PBX4: variants seen among roughly 807,000 people sequenced by gnomAD.
PBX4 encodes the protein PBX homeobox 4, also known as pre-B-cell leukemia transcription factor 4.
A neutral mutation model predicts 35.1 loss-of-function variants in PBX4; 26 were observed. The observed-to-expected ratio is 0.74, with a 90% CI of 0.54 to 1.03. The LOEUF is 1.03. PBX4 is among the 50% of genes least tolerant of loss of function. PBX4 has a pLI of 0.00. For missense variants in PBX4, 448 were observed against 504.3 expected, an observed-to-expected ratio of 0.89 and a Z score of 1.07; for synonymous variants, 199 against 204.2, an observed-to-expected ratio of 0.97 and a Z score of 0.22.
Position 19,570,287 on chromosome 19 carries a change from A to T in PBX4, c.454T>A (p.Phe152Ile). Reference protein sequence around the residue: ...LEKYEQACREFTTHVTNLLQE... With the variant: ...LEKYEQACREITTHVTNLLQE... ...AGGAGGTTGGTGACGTGCGTGGTGA[A>T]CTCACGACAGGCCTGGGGTGGGAGC... The change falls in exon 4 of 8, where the codon TTC becomes ATC. Residue 152 changes from phenylalanine to isoleucine, a missense_variant. Transcript: ENST00000251203. The T allele has an allele frequency of 6.2e-7, 1 of 1,606,802 alleles. No homozygotes were observed. Among genetic ancestry groups the T allele is most frequent in the Non-Finnish European group, 8.5e-7 (1 of 1,175,276 alleles).
At chr19:19,597,754 T>C (rs1457916382) in intron 2 of PBX4, among the ~76,000 whole-genome samples, 2 of 152,202 alleles carry the variant, frequency 1.3e-5, no homozygotes, top group African/African-American at 4.8e-5. Flanking sequence ...TTGGTTTAAA[T>C]ATCTTCATCT....
At chr19:19,612,888 G>A (rs993564979) in intron 1 of PBX4, among the ~76,000 whole-genome samples, 8 of 151,088 alleles carry the variant, frequency 5.3e-5, no homozygotes, top group Non-Finnish European at 1.0e-4. Flanking sequence ...GCACGATCTC[G>A]GCTCACTGCA....
At chr19:19,581,357 GCTCTGATGAGC>G (rs1290689580) in intron 2 of PBX4, among the ~76,000 whole-genome samples, 1 of 152,172 alleles carries the variant, frequency 6.6e-6, no homozygotes, top group East Asian at 1.9e-4. Flanking sequence ...GCTGCTGGAA[GCTCTGATGAGC>G]CTCTGAACCA....
chr19:19,601,956 T>C (rs2061600456), intron 1 of PBX4, among the ~76,000 whole-genome samples: 1 of 152,074 alleles, frequency 6.6e-6, no homozygotes, highest in Non-Finnish European at 1.5e-5. Flanking sequence ...CTGGGCAACA[T>C]GGCGAGACAA....
intron 2 of PBX4, among the ~76,000 whole-genome samples, chr19:19,592,427 G>A (rs1002321821): frequency 1.2e-4 from 18 of 152,148 alleles, no homozygotes; most frequent in African/African-American, 3.9e-4. Flanking sequence ...AGAGACCACC[G>A]CAGGGCAGGA....
chr19:19,588,131 G>A lies in PBX4; in HGVS notation c.193+11161C>T, dbSNP rs537078991. The stretch of plus-strand genomic sequence containing the variant: ...CGTATTTTTTGCGTTCATAGAAGAG[G>A]TCTTAGAGCTCCCCAAATAGACAAT... On this transcript the variant is annotated intron_variant, in intron 2 of 7. Transcript: ENST00000251203. 26 of 1,103,102 alleles carry A rather than the reference G, an allele frequency of 2.4e-5. No individual in the cohort carries two copies. In the South Asian group the frequency reaches 2.8e-4, roughly 12 times the overall value. 68.3% of individuals were successfully genotyped at this position (1,103,102 alleles called of 1,614,324 possible).
chr19:19,562,173 C>T lies in PBX4; in HGVS notation c.1033-56G>A, dbSNP rs1446659855. On this transcript the variant is annotated intron_variant, in intron 7 of 7. Coordinates refer to ENST00000251203, the MANE Select transcript of PBX4 (RefSeq NM_025245.3). The surrounding 1 kb of genome is among the most constrained non-coding windows in gnomAD (Gnocchi z 4.8). ...GGTGGCCGTGAGACTGGTGACTACCCAGCCCACGTGCTGCAGGCGGAGCCT... is the reference window on the plus strand; with the variant it reads ...GGTGGCCGTGAGACTGGTGACTACCTAGCCCACGTGCTGCAGGCGGAGCCT... 27 of 1,379,510 alleles carry T rather than the reference C, an allele frequency of 2.0e-5. No individual in the cohort carries two copies. Among genetic ancestry groups the T allele is most frequent in the Non-Finnish European group, 2.7e-5 (27 of 996,364 alleles). 85.5% of individuals were successfully genotyped at this position (1,379,510 alleles called of 1,614,324 possible). A position where few individuals can be genotyped will look rare whatever the true frequency, so the allele number is the denominator to read the frequency against.
intron 2 of PBX4, among the ~76,000 whole-genome samples, chr19:19,583,592 CA>C (rs2061469952): frequency 6.6e-6 from 1 of 151,984 alleles, no homozygotes; most frequent in South Asian, 2.1e-4. Context: ...GCCAGTTCGA[CA>C]AAGTAAGACC....
chr19:19,617,379 C>T (rs891689309), intron 1 of PBX4, among the ~76,000 whole-genome samples: 37 of 151,972 alleles, frequency 2.4e-4, no homozygotes, highest in African/African-American at 8.5e-4. Flanking sequence ...TGGCTTGATT[C>T]GGCTCACTGC....
In PBX4 at chr19:19,599,870, G is replaced by A. The variant is rs1276961259; in HGVS notation, c.120-505C>T. Among the ~76,000 whole-genome samples the A allele has an allele frequency of 4.6e-5, 7 of 152,102 alleles. No individual in the cohort carries two copies. The East Asian group carries it at 7.7e-4, about 17-fold the overall frequency. On this transcript the variant is annotated intron_variant, in intron 1 of 7. Transcript: ENST00000251203. The stretch of plus-strand genomic sequence containing the variant: ...CACCTGTAATCCCAGTTACTCAGGA[G>A]GCTGAGGCAGGAGAATTGCTTAGAC...
intron 2 of PBX4, 72 bp from the exon 3 acceptor site, chr19:19,570,905 C>A: frequency 6.4e-7 from 1 of 1,573,184 alleles, no homozygotes; most frequent in Non-Finnish European, 8.6e-7. Flanking sequence ...AAAATGTGAG[C>A]ACTGGTGTTA....
intron 2 of PBX4, among the ~76,000 whole-genome samples, chr19:19,596,987 G>A (rs562103113): frequency 2.0e-5 from 3 of 151,006 alleles, no homozygotes; most frequent in Non-Finnish European, 4.4e-5. Context: ...ACAGGCAGGC[G>A]GATCACCTGA....
intron 2 of PBX4, among the ~76,000 whole-genome samples, chr19:19,590,715 C>G (rs906342257): frequency 1.3e-5 from 2 of 152,154 alleles, no homozygotes; most frequent in Admixed American, 6.5e-5. Flanking sequence ...ATGATCCCCC[C>G]ACCTTGGCCT....
intron 2 of PBX4, among the ~76,000 whole-genome samples, chr19:19,586,708 G>T (rs1176322310): frequency 6.6e-6 from 1 of 151,962 alleles, no homozygotes; most frequent in Non-Finnish European, 1.5e-5. Context: ...CACTTTGGGA[G>T]GCCACGAAGT....
At chr19:19,598,221 C>T (rs1480159753) in intron 2 of PBX4, among the ~76,000 whole-genome samples, 11 of 151,800 alleles carry the variant, frequency 7.2e-5, no homozygotes, top group African/African-American at 1.9e-4. Context: ...AAGGTGTTGA[C>T]GAGACAGGAA....
intron 2 of PBX4, among the ~76,000 whole-genome samples, chr19:19,574,122 C>T (rs1449625982): frequency 6.6e-6 from 1 of 152,186 alleles, no homozygotes; most frequent in East Asian, 1.9e-4. Context: ...AGCGATCCAC[C>T]CGCCTCGGCC....
intron 5 of PBX4, among the ~76,000 whole-genome samples, chr19:19,567,802 C>T (rs1222011426): frequency 2.0e-5 from 3 of 151,558 alleles, no homozygotes; most frequent in African/African-American, 7.3e-5. Flanking sequence ...TACCACGTCA[C>T]CTCAGGGGGC....
In PBX4 at chr19:19,562,944, G is replaced by A. The variant is rs79532066; in HGVS notation, c.1032+565C>T. ...CCCACAGACAGCACAGGAGGCATCCGTTCTCTGAACCCCTGGGAGAGAGTG... is the reference window on the plus strand; with the variant it reads ...CCCACAGACAGCACAGGAGGCATCCATTCTCTGAACCCCTGGGAGAGAGTG... On this transcript the variant is annotated intron_variant, in intron 7 of 7. Coordinates refer to ENST00000251203, the MANE Select transcript of PBX4 (RefSeq NM_025245.3). The surrounding 1 kb of genome is among the most constrained non-coding windows in gnomAD (Gnocchi z 4.8). Among the ~76,000 whole-genome samples the A allele has an allele frequency of 0.01, 1,540 of 152,262 alleles. 28 individuals carry two copies. Among genetic ancestry groups the A allele is most frequent in the African/African-American group, 0.035 (1,451 of 41,546 alleles).
At position 19,579,373 on chromosome 19, in the gene PBX4, A is replaced by C. The variant is rs918128520; in HGVS notation, c.194-8540T>G. Among the ~76,000 whole-genome samples, 36 of 152,082 alleles carry C rather than the reference A, an allele frequency of 2.4e-4. 1 individual carries two copies. In the South Asian group the frequency reaches 2.9e-3, roughly 12 times the overall value. The stretch of plus-strand genomic sequence containing the variant: ...AAAAAAAAATCACCCAGTCTGTGGC[A>C]TTTTGTTAGGGTGGCCTGAGTAGAC... On this transcript the variant is annotated intron_variant, in intron 2 of 7. Transcript: ENST00000251203.
Sources: gnomAD v4.1 joint callset for allele counts (sites outside exome capture counted in the v4.1 genomes callset) on GRCh38, gnomAD v4.1.1 for gene constraint, Gnocchi (gnomAD v3.1) non-coding constraint, MANE v1.5 for transcripts, NCBI Gene and HGNC (gene_info 2026-07-23, HGNC 2026-07-21) for gene names.